Variants in PREX2 observed in about 807,000 individuals in gnomAD.
PREX2 encodes phosphatidylinositol 3,4,5-trisphosphate-dependent Rac exchanger 2 protein.
Under a neutral mutation model 203.2 loss-of-function variants are expected in PREX2, and 107 were observed. The observed-to-expected ratio is 0.53, with a 90% CI of 0.45 to 0.62. The LOEUF is 0.62. Ranked by LOEUF, PREX2 falls within the 20% of genes least tolerant of loss-of-function variation. The pLI, the probability that PREX2 is intolerant of heterozygous loss-of-function variation, is 0.00. For synonymous variants in PREX2, 672 were observed against 663.6 expected, an observed-to-expected ratio of 1.01 and a Z score of -0.19; for missense variants, 1,777 against 1,955.9, an observed-to-expected ratio of 0.91 and a Z score of 1.72.
chr8:68,051,760 G>A (rs371220446), intron 8 of PREX2, among the ~76,000 whole-genome samples: 3 of 152,120 alleles, frequency 2.0e-5, no homozygotes, highest in Admixed American at 1.3e-4. Context: ...AAAATTGCTT[G>A]TAATTTTTTG....
At chr8:68,160,751 A>G (rs1222284966) in intron 35 of PREX2, among the ~76,000 whole-genome samples, 3 of 152,216 alleles carry the variant, frequency 2.0e-5, no homozygotes, top group Non-Finnish European at 4.4e-5. Context: ...AGATTTCAAA[A>G]GGCAAAAATC....
chr8:67,988,147 TA>T (rs1034205690), intron 1 of PREX2, among the ~76,000 whole-genome samples: 5 of 152,222 alleles, frequency 3.3e-5, no homozygotes, highest in African/African-American at 9.6e-5. Context: ...TTTTAGTTTT[TA>T]AAATATGCCA....
intron 37 of PREX2, among the ~76,000 whole-genome samples, chr8:68,199,380 A>C (rs990536436): frequency 2.0e-5 from 3 of 152,200 alleles, no homozygotes; most frequent in African/African-American, 7.2e-5. Context: ...TTAGTTGATG[A>C]TTTGGAAATT....
chr8:68,085,390 T>C (rs1173213984), intron 18 of PREX2, among the ~76,000 whole-genome samples: 1 of 152,222 alleles, frequency 6.6e-6, no homozygotes, highest in African/African-American at 2.4e-5. Context: ...ACTTTTCCTT[T>C]ATGTCCTTAT....
chr8:68,071,640 A>G (rs1033260542), intron 13 of PREX2, among the ~76,000 whole-genome samples: 1 of 152,168 alleles, frequency 6.6e-6, no homozygotes, highest in Non-Finnish European at 1.5e-5. Flanking sequence ...GTTGGTATCC[A>G]ACAGAACTTT....
intron 37 of PREX2, among the ~76,000 whole-genome samples, chr8:68,194,089 T>C (rs1190699149): frequency 2.6e-5 from 4 of 152,222 alleles, no homozygotes; most frequent in Non-Finnish European, 5.9e-5. Flanking sequence ...TTTGAAAGTT[T>C]TTTTGCTAGC....
At chr8:68,032,921 C>T (rs761139646) in intron 6 of PREX2, among the ~76,000 whole-genome samples, 1 of 152,166 alleles carries the variant, frequency 6.6e-6, no homozygotes, top group East Asian at 1.9e-4. Flanking sequence ...CTTCCACAGC[C>T]TCCTGCAGAC....
chr8:68,205,600 C>T (rs997203022), intron 37 of PREX2, among the ~76,000 whole-genome samples: 2 of 152,200 alleles, frequency 1.3e-5, no homozygotes, highest in African/African-American at 4.8e-5. Flanking sequence ...ACAATTCTTC[C>T]TCCATGGAAG....
intron 24 of PREX2, chr8:68,108,909 C>T: frequency 7.0e-6 from 2 of 287,476 alleles, no homozygotes; most frequent in South Asian, 3.3e-5. Flanking sequence ...CATAAATGAA[C>T]CTGGAAGATA....
intron 1 of PREX2, among the ~76,000 whole-genome samples, chr8:68,010,294 C>T (rs897373387): frequency 2.0e-5 from 3 of 152,086 alleles, no homozygotes; most frequent in Non-Finnish European, 2.9e-5. Flanking sequence ...ATTTTTGCCT[C>T]GATACCTTGA....
At chr8:68,206,431 A>G (rs1215466361) in intron 37 of PREX2, among the ~76,000 whole-genome samples, 1 of 152,186 alleles carries the variant, frequency 6.6e-6, no homozygotes, top group Non-Finnish European at 1.5e-5. Flanking sequence ...TAAAAATAGG[A>G]TAACCCCTGT....
chr8:67,965,664 T>C (rs1330705394), intron 1 of PREX2, among the ~76,000 whole-genome samples: 2 of 152,136 alleles, frequency 1.3e-5, no homozygotes, highest in Non-Finnish European at 2.9e-5. Flanking sequence ...TTGTTAAAAA[T>C]GATCACTATT....
intron 25 of PREX2, among the ~76,000 whole-genome samples, chr8:68,115,061 C>T (rs1360778266): frequency 3.4e-5 from 3 of 88,466 alleles, no homozygotes; most frequent in African/African-American, 4.8e-5. Flanking sequence ...GAGTTTCGCT[C>T]TTGTTGCCCA....
chr8:67,994,685 G>A (rs1241922834), intron 1 of PREX2, among the ~76,000 whole-genome samples: 1 of 152,150 alleles, frequency 6.6e-6, no homozygotes, highest in African/African-American at 2.4e-5. Context: ...TAGATTCCAT[G>A]GGAGAATCAG....
At chr8:67,986,861 A>C (rs1050948946) in intron 1 of PREX2, among the ~76,000 whole-genome samples, 1 of 152,134 alleles carries the variant, frequency 6.6e-6, no homozygotes, top group Non-Finnish European at 1.5e-5. Context: ...AAACTTAAAG[A>C]TGTTTTAAAA....
chr8:68,104,825 A>G (rs1810360998), intron 23 of PREX2, among the ~76,000 whole-genome samples: 1 of 152,208 alleles, frequency 6.6e-6, no homozygotes, highest in Non-Finnish European at 1.5e-5. Flanking sequence ...GTAAATGAAT[A>G]AAGGTGGCAG....
Position 68,093,781 on chromosome 8 carries a change from C to A in PREX2, c.2368+59C>A. 3 of 867,008 alleles carry A rather than the reference C, an allele frequency of 3.5e-6. No individual in the cohort carries two copies. In the South Asian group the frequency reaches 5.0e-5, roughly 15 times the overall value. The allele number at this position is 867,008 out of a possible 1,614,324, so 53.7% of individuals were successfully genotyped here. ...AGTATTCTTTTCCACTGTGCATGTG[C>A]CTACTCCCAAATATTGAAGGTCCTG... On this transcript the variant is annotated intron_variant, in intron 21 of 39. Transcript: ENST00000288368.
chr8:68,066,364 C>T (rs2129611485), intron 11 of PREX2, among the ~76,000 whole-genome samples: 1 of 152,194 alleles, frequency 6.6e-6, no homozygotes, highest in African/African-American at 2.4e-5. Flanking sequence ...GTTTCCTTTT[C>T]TCCACATCCT....
In PREX2 at chr8:68,077,502, G is replaced by A. The variant is rs201483865; in HGVS notation, c.1642+33G>A. 2.3e-3 allele frequency: 3,319 copies of A among 1,474,812 alleles called. 4 individuals are homozygous for A. Among genetic ancestry groups the A allele is most frequent in the Non-Finnish European group, 2.8e-3 (2,964 of 1,052,918 alleles). The allele number at this position is 1,474,812 out of a possible 1,614,324, so 91.4% of individuals were successfully genotyped here. A position where few individuals can be genotyped will look rare whatever the true frequency, so the allele number is the denominator to read the frequency against. On this transcript the variant is annotated intron_variant, in intron 15 of 39. Coordinates refer to ENST00000288368, the MANE Select transcript of PREX2 (RefSeq NM_024870.4). ...TTTTTTACCCTGGGAGCTTACAGAT[G>A]TATTTCATCACGTTGGTTCTTAGGA...
Sources: allele counts gnomAD v4.1 joint callset (sites outside exome capture counted in the v4.1 genomes callset), GRCh38; gene constraint gnomAD v4.1.1; transcripts MANE v1.5; gene names NCBI Gene and HGNC (gene_info 2026-07-23, HGNC 2026-07-21).